PEMT: variants seen among roughly 807,000 people sequenced by gnomAD.
The protein encoded by PEMT is phosphatidylethanolamine N-methyltransferase.
Under a neutral mutation model 27.4 loss-of-function variants are expected in PEMT, and 23 were observed. The observed-to-expected ratio is 0.84, with a 90% CI of 0.60 to 1.19. The LOEUF is 1.19. PEMT is among the 50% of genes most tolerant of loss of function. The probability of loss-of-function intolerance (pLI) is 0.00; values close to 1 mark genes in which losing one functional copy is unlikely to be tolerated. For synonymous variants in PEMT, 137 were observed against 139.1 expected (o/e 0.98, Z 0.11); for missense variants, 307 against 310.1 (o/e 0.99, Z 0.07).
chr17:17,513,201 G>C lies in PEMT; in HGVS notation c.321-547C>G, dbSNP rs1196784356. Among the ~76,000 whole-genome samples the C allele has an allele frequency of 1.3e-5, 2 of 152,232 alleles. No individual in the cohort carries two copies. The highest frequency in any genetic ancestry group is 2.4e-5 in the African/African-American group (1 of 41,470). ...GGTCTGGCCACATCCTGGGTGGCTT[G>C]ACTTGCATTTAAAGGCACTTTGGGG... On this transcript the variant is annotated intron_variant, in intron 3 of 6. Transcript: ENST00000255389. The surrounding 1 kb of genome is among the most constrained non-coding windows in gnomAD (Gnocchi z 4.1).
intron 2 of PEMT, among the ~76,000 whole-genome samples, chr17:17,558,573 C>T (rs1271050872): frequency 6.6e-6 from 1 of 150,924 alleles, no homozygotes; most frequent in East Asian, 2.0e-4. Flanking sequence ...GTATTCCCAG[C>T]TACTTGGGCT....
chr17:17,551,570 G>A (rs1345265590), intron 2 of PEMT, among the ~76,000 whole-genome samples: 3 of 152,174 alleles, frequency 2.0e-5, no homozygotes, highest in Admixed American at 6.5e-5. Context: ...TTCACTCTAC[G>A]TAGGATTCCA....
intron 5 of PEMT, 127 bp from the exon 6 acceptor site, chr17:17,506,428 G>A (rs1010707000): frequency 9.4e-6 from 6 of 637,298 alleles, no homozygotes; most frequent in Admixed American, 2.9e-5. Flanking sequence ...CACTTGGGCC[G>A]ACCGAGCCCA....
intron 2 of PEMT, among the ~76,000 whole-genome samples, chr17:17,545,280 C>T (rs3744117): frequency 0.053 from 8,129 of 152,264 alleles, 300 homozygotes; most frequent in East Asian, 0.14. Context: ...AGCCCCTCAC[C>T]GTCCTGGCGT....
rs373895729 is a variant in PEMT at position 17,513,133 on chromosome 17, G to A, written c.321-479C>T. 1.2e-4 allele frequency among the ~76,000 whole-genome samples: 18 copies of A among 152,330 alleles called. No individual in the cohort carries two copies. The highest frequency in any genetic ancestry group is 4.3e-4 in the African/African-American group (18 of 41,576). ...AACAGACTCAGTGCCCCGAGGCCTGGGGCATGCTCTGTGCTAGGGATTGCG... is the reference window on the plus strand; with the variant it reads ...AACAGACTCAGTGCCCCGAGGCCTGAGGCATGCTCTGTGCTAGGGATTGCG... On this transcript the variant is annotated intron_variant, in intron 3 of 6. Coordinates refer to ENST00000255389, the MANE Select transcript of PEMT (RefSeq NM_148172.3). The surrounding 1 kb of genome is among the most constrained non-coding windows in gnomAD (Gnocchi z 4.1).
intron 2 of PEMT, among the ~76,000 whole-genome samples, chr17:17,546,013 C>T (rs1307250494): frequency 6.6e-6 from 1 of 152,218 alleles, no homozygotes; most frequent in Admixed American, 6.5e-5. Context: ...CCTGGGCCAC[C>T]TTGCCTGGGC....
Position 17,582,508 on chromosome 17 carries a change from T to C in PEMT, c.97-5481A>G. ...GCAGGCCTGGACAGGCAAAGTCACA[T>C]CGATTCCAGGCCACACACCACACAC... On this transcript the variant is annotated intron_variant, in intron 1 of 6. Coordinates refer to ENST00000255389, the MANE Select transcript of PEMT (RefSeq NM_148172.3). This position sits in a 1 kb window ranked among gnomAD's most constrained non-coding sequence, Gnocchi z 4.9. 1.3e-6 allele frequency: 1 copy of C among 791,660 alleles called. No individual in the cohort carries two copies. The highest frequency in any genetic ancestry group is 5.7e-5 in the South Asian group (1 of 17,450). The allele number at this position is 791,660 out of a possible 1,614,324, so 49.0% of individuals were successfully genotyped here.
At chr17:17,559,785 G>A (rs774365368) in intron 2 of PEMT, among the ~76,000 whole-genome samples, 4 of 152,214 alleles carry the variant, frequency 2.6e-5, no homozygotes, top group Non-Finnish European at 4.4e-5. Context: ...GCAGCCCCAC[G>A]CCCTCCCAGT....
intron 2 of PEMT, among the ~76,000 whole-genome samples, chr17:17,556,375 T>A (rs1280310947): frequency 9.2e-6 from 1 of 108,356 alleles, no homozygotes; most frequent in African/African-American, 4.5e-5. Context: ...TCTCTCTCTC[T>A]CACTTTTTTT....
At chr17:17,553,785 C>T (rs987233135) in intron 2 of PEMT, among the ~76,000 whole-genome samples, 19 of 152,246 alleles carry the variant, frequency 1.2e-4, no homozygotes, top group Non-Finnish European at 2.4e-4. Context: ...AAAGCTGAGC[C>T]AAATCTAGAA....
intron 2 of PEMT, among the ~76,000 whole-genome samples, chr17:17,531,921 T>A (rs946334885): frequency 6.6e-6 from 1 of 152,134 alleles, no homozygotes; most frequent in Non-Finnish European, 1.5e-5. Context: ...AAGACATTCT[T>A]GATAGAATGA....
chr17:17,545,098 T>C (rs1168516704), intron 2 of PEMT, among the ~76,000 whole-genome samples: 1 of 152,082 alleles, frequency 6.6e-6, no homozygotes, highest in Non-Finnish European at 1.5e-5. Context: ...TCCCTCAGGG[T>C]CCTTGCCGGG....
intron 1 of PEMT, among the ~76,000 whole-genome samples, chr17:17,583,058 T>A (rs1912062418): frequency 8.4e-6 from 1 of 119,176 alleles, no homozygotes; most frequent in Non-Finnish European, 1.7e-5. Flanking sequence ...CGAGACTCCA[T>A]CTCAAAAAAA....
At chr17:17,563,615 G>A (rs1172945468) in intron 2 of PEMT, among the ~76,000 whole-genome samples, 1 of 152,216 alleles carries the variant, frequency 6.6e-6, no homozygotes, top group Non-Finnish European at 1.5e-5. Context: ...TGGCTTTATT[G>A]CTTTATTACA....
At chr17:17,522,416 A>G in intron 2 of PEMT, 21 bp from the exon 3 acceptor site, 1 of 1,544,026 alleles carries the variant, frequency 6.5e-7, no homozygotes, top group Non-Finnish European at 9.0e-7. Flanking sequence ...AGCAGAGAAC[A>G]AGAACGAGAT....
intron 3 of PEMT, among the ~76,000 whole-genome samples, chr17:17,515,942 G>C (rs1034228105): frequency 6.6e-6 from 1 of 152,204 alleles, no homozygotes; most frequent in East Asian, 1.9e-4. Context: ...AAACCCTGGG[G>C]TGGAGGTGGG....
chr17:17,574,610 C>T (rs1012502920), intron 2 of PEMT, among the ~76,000 whole-genome samples: 5 of 152,260 alleles, frequency 3.3e-5, no homozygotes, highest in East Asian at 3.9e-4. Context: ...CGTGGGCCAC[C>T]GCGCCCGGCC....
At chr17:17,550,188 C>G (rs1386336074) in intron 2 of PEMT, among the ~76,000 whole-genome samples, 1 of 152,208 alleles carries the variant, frequency 6.6e-6, no homozygotes, top group African/African-American at 2.4e-5. Context: ...TGGAACGTGT[C>G]CCGTGACCCT....
intron 2 of PEMT, among the ~76,000 whole-genome samples, chr17:17,567,551 C>G (rs1308882390): frequency 1.2e-4 from 19 of 152,250 alleles, no homozygotes; most frequent in Admixed American, 1.2e-3. Context: ...CACTTGAGAC[C>G]CAACATCAAG....
Sources: gnomAD v4.1 joint callset for allele counts (sites outside exome capture counted in the v4.1 genomes callset) on GRCh38, gnomAD v4.1.1 for gene constraint, Gnocchi (gnomAD v3.1) non-coding constraint, MANE v1.5 for transcripts, NCBI Gene and HGNC (gene_info 2026-07-23, HGNC 2026-07-21) for gene names.